CCDC33: variants seen among roughly 807,000 people sequenced by gnomAD.
CCDC33 encodes the protein coiled-coil domain-containing protein 33.
CCDC33 carries 94 observed loss-of-function variants against 91.9 expected under a neutral mutation model. The observed-to-expected ratio is 1.02, with a 90% CI of 0.87 to 1.21. CCDC33 has a LOEUF of 1.21. CCDC33 is among the 50% of genes most tolerant of loss of function. The pLI, the probability that CCDC33 is intolerant of heterozygous loss-of-function variation, is 0.00. For synonymous variants in CCDC33, 396 were observed against 374.5 expected, an observed-to-expected ratio of 1.06 and a Z score of -0.66; for missense variants, 940 against 935.5, an observed-to-expected ratio of 1.00 and a Z score of -0.06.
intron 11 of CCDC33, among the ~76,000 whole-genome samples, chr15:74,309,633 G>A (rs1190380412): frequency 2.0e-5 from 3 of 152,148 alleles, no homozygotes; most frequent in Non-Finnish European, 4.4e-5. Flanking sequence ...ACAGTGGGGA[G>A]TGAAGAGTAC....
At chr15:74,230,140 G>A (rs1302021040) in intron 2 of CCDC33, among the ~76,000 whole-genome samples, 2 of 152,232 alleles carry the variant, frequency 1.3e-5, no homozygotes, top group Non-Finnish European at 2.9e-5. Context: ...TGAGGGCCTG[G>A]GGTGAGCAGA....
chr15:74,313,341 C>G (rs1487171038), intron 11 of CCDC33, among the ~76,000 whole-genome samples: 1 of 151,950 alleles, frequency 6.6e-6, no homozygotes, highest in Non-Finnish European at 1.5e-5. Context: ...CTACTCTTCT[C>G]TGGGTCATTC....
chr15:74,334,456 T>A (rs1567046226), intron 17 of CCDC33, among the ~76,000 whole-genome samples: 1 of 150,984 alleles, frequency 6.6e-6, no homozygotes, highest in Non-Finnish European at 1.5e-5. Context: ...ACAACCAGGG[T>A]CAGGGTTCAG....
chr15:74,298,030 G>A (rs2059722149), intron 11 of CCDC33, among the ~76,000 whole-genome samples: 1 of 152,230 alleles, frequency 6.6e-6, no homozygotes. Context: ...CACAACCAAG[G>A]AGGGGGAAGT....
intron 10 of CCDC33, among the ~76,000 whole-genome samples, chr15:74,283,347 C>T (rs1348541639): frequency 2.0e-5 from 3 of 152,314 alleles, no homozygotes; most frequent in East Asian, 3.9e-4. Flanking sequence ...CCTGCCCCTT[C>T]CACTGGGCAT....
At chr15:74,203,119 T>A (rs981751083) in intron 1 of CCDC33, 5 of 985,448 alleles carry the variant, frequency 5.1e-6, no homozygotes, top group African/African-American at 1.7e-5. Flanking sequence ...CCGCTGGGGC[T>A]GGGCTGGGGC....
intron 11 of CCDC33, chr15:74,303,150 G>C (rs2059827167): frequency 1.3e-5 from 2 of 152,398 alleles, no homozygotes; most frequent in African/African-American, 4.8e-5. Flanking sequence ...CACCAGGGAA[G>C]GGACTTGGAG....
intron 2 of CCDC33, among the ~76,000 whole-genome samples, chr15:74,247,132 G>T (rs1028306374): frequency 6.7e-6 from 1 of 150,316 alleles, no homozygotes; most frequent in African/African-American, 2.5e-5. Flanking sequence ...GCAACAGAGC[G>T]AGACTCCCAT....
chr15:74,238,045 T>C (rs2075231421), intron 1 of CCDC33, among the ~76,000 whole-genome samples: 1 of 152,042 alleles, frequency 6.6e-6, no homozygotes, highest in African/African-American at 2.4e-5. Flanking sequence ...GGAGAATCGC[T>C]TGAACCTGGG....
At chr15:74,262,322 A>G (rs2076046956) in intron 2 of CCDC33, 118 bp from the exon 3 acceptor site, 1 of 1,350,984 alleles carries the variant, frequency 7.4e-7, no homozygotes, top group Admixed American at 1.9e-5. Flanking sequence ...TGCATGGGAC[A>G]GAGCTCTCCA....
chr15:74,327,581 G>A lies in CCDC33; in HGVS notation c.1291-2608G>A, dbSNP rs565841487. On this transcript the variant is annotated intron_variant, in intron 11 of 18. Transcript: ENST00000398814. ...ACCTGGGAGGCAGAGTTTGCAGAGAGCCAAGATTGTGCCACTGCACTCCAG... is the reference window on the plus strand; with the variant it reads ...ACCTGGGAGGCAGAGTTTGCAGAGAACCAAGATTGTGCCACTGCACTCCAG... Among the ~76,000 whole-genome samples the A allele has an allele frequency of 8.5e-5, 13 of 152,288 alleles. 1 individual carries two copies. The South Asian group carries it at 2.3e-3, about 27-fold the overall frequency.
intron 2 of CCDC33, among the ~76,000 whole-genome samples, chr15:74,247,356 T>C (rs1206823248): frequency 2.9e-5 from 2 of 70,136 alleles, no homozygotes; most frequent in Middle Eastern, 6.8e-3. Flanking sequence ...AGAAAAAATG[T>C]CATATATATA....
At position 74,278,082 on chromosome 15, in the gene CCDC33, C is replaced by A. The variant is rs573562545; in HGVS notation, c.760-1881C>A. On this transcript the variant is annotated intron_variant, in intron 7 of 18. Coordinates refer to ENST00000398814, the MANE Select transcript of CCDC33 (RefSeq NM_025055.5). The stretch of plus-strand genomic sequence containing the variant: ...GTCAGAACCAACTTCTCTCACCGGA[C>A]CTGTTGGCCAAGCTCCCATAAGAAG... 2.0e-5 allele frequency among the ~76,000 whole-genome samples: 3 copies of A among 152,330 alleles called. No individual in the cohort carries two copies. In the South Asian group the frequency reaches 6.2e-4, roughly 32 times the overall value.
At chr15:74,239,840 C>T (rs1287987214) in intron 1 of CCDC33, among the ~76,000 whole-genome samples, 7 of 152,188 alleles carry the variant, frequency 4.6e-5, no homozygotes, top group Non-Finnish European at 1.0e-4. Flanking sequence ...GGGGGGGGTA[C>T]CCCATCACCC....
At chr15:74,303,343 G>C (rs1228494729) in intron 11 of CCDC33, 1 of 152,460 alleles carries the variant, frequency 6.6e-6, no homozygotes, top group Non-Finnish European at 1.5e-5. Context: ...GGGTCTGGGA[G>C]TACGAGAGGG....
intron 17 of CCDC33, 40 bp downstream of exon 17, chr15:74,334,007 C>T (rs769551127): frequency 1.9e-6 from 3 of 1,539,686 alleles, no homozygotes; most frequent in Non-Finnish European, 1.8e-6. Flanking sequence ...GGATCAGGCT[C>T]ACCACACAGC....
intron 11 of CCDC33, among the ~76,000 whole-genome samples, chr15:74,328,956 A>C (rs2060368754): frequency 6.6e-6 from 1 of 152,036 alleles, no homozygotes; most frequent in Non-Finnish European, 1.5e-5. Context: ...TTCCTCCCCC[A>C]TCCCAGCTCC....
intron 2 of CCDC33, among the ~76,000 whole-genome samples, chr15:74,248,786 G>A (rs943612759): frequency 6.6e-6 from 1 of 152,046 alleles, no homozygotes; most frequent in African/African-American, 2.4e-5. Flanking sequence ...GCTCATCTTG[G>A]GGGTCAGCCT....
intron 2 of CCDC33, among the ~76,000 whole-genome samples, chr15:74,260,227 C>T (rs2075985227): frequency 6.6e-6 from 1 of 152,142 alleles, no homozygotes; most frequent in South Asian, 2.1e-4. Context: ...GAAAAAGGGA[C>T]CCGAGGGTGG....
Sources: gnomAD v4.1 joint callset for allele counts (sites outside exome capture counted in the v4.1 genomes callset) on GRCh38, gnomAD v4.1.1 for gene constraint, MANE v1.5 for transcripts, NCBI Gene and HGNC (gene_info 2026-07-23, HGNC 2026-07-21) for gene names.